The following NCAPD3 variants were observed in gnomAD, a reference collection of about 807,000 sequenced individuals.
NCAPD3 encodes non-SMC condensin II complex subunit D3, also known as condensin-2 complex subunit D3.
A neutral mutation model predicts 182.9 loss-of-function variants in NCAPD3; 105 were observed. That is an observed-to-expected ratio of 0.57 (90% CI 0.49 to 0.68). The LOEUF (loss-of-function observed/expected upper bound fraction) is 0.68, where lower values mean the gene tolerates loss of function less well. Ranked by LOEUF, NCAPD3 falls within the 30% of genes least tolerant of loss-of-function variation. The pLI, the probability that NCAPD3 is intolerant of heterozygous loss-of-function variation, is 0.00. For missense variants in NCAPD3, 1,944 were observed against 1,837.0 expected (o/e 1.06, Z -1.07); for synonymous variants, 815 against 679.9 (o/e 1.20, Z -3.09).
rs2120407534 is a variant in NCAPD3 at position 134,150,204 on chromosome 11, A to G, written c.*2740T>C. On this transcript the variant is annotated 3_prime_UTR_variant, in exon 35 of 35. Coordinates refer to ENST00000534548, the MANE Select transcript of NCAPD3 (RefSeq NM_015261.3). ...ACTCATACTGTCTACACATCAGACC[A>G]TAGTTGCTTAGGAAACCTTTAAAAA... The G allele has an allele frequency of 6.6e-6, 1 of 152,228 alleles. No homozygotes were observed. Among genetic ancestry groups the G allele is most frequent in the Middle Eastern group, 3.4e-3 (1 of 292 alleles). The allele number at this position is 152,228 out of a possible 1,614,324, so 9.4% of individuals were successfully genotyped here. A position where few individuals can be genotyped will look rare whatever the true frequency, so the allele number is the denominator to read the frequency against.
intron 24 of NCAPD3, among the ~76,000 whole-genome samples, chr11:134,170,089 C>T (rs1329107105): frequency 6.6e-6 from 1 of 152,242 alleles, no homozygotes; most frequent in East Asian, 1.9e-4. Flanking sequence ...GTTCACAGCA[C>T]ACATATCAAT....
At chr11:134,165,586 C>T (rs139966894) in intron 27 of NCAPD3, among the ~76,000 whole-genome samples, 331 of 146,600 alleles carry the variant, frequency 2.3e-3, no homozygotes, top group African/African-American at 7.1e-3. Flanking sequence ...GGGAGGGGCA[C>T]ACTAGTGAGA....
In NCAPD3 at chr11:134,168,059, T is replaced by G. The variant is rs779796316; in HGVS notation, c.3510A>C (p.Glu1170Asp). 6 of 1,614,160 alleles carry G rather than the reference T, an allele frequency of 3.7e-6. No individual in the cohort carries two copies. The South Asian group carries it at 5.5e-5, about 15-fold the overall frequency. ...CATTTGCCAAGGCCATGTCATCTTC[T>G]TCCATAAGGAGGTCTTTGTCTGGTT... The part of the protein sequence containing the change: ...RSKPDKDLLM[E>D]EDDMALANVV... The change falls in exon 27 of 35, where the codon GAA becomes GAC. Residue 1170 changes from glutamate (E) to aspartate (D), a missense_variant. Physicochemically the swap from Glu to Asp is conservative, Grantham distance 45 (BLOSUM62 2). This residue lies in a region of NCAPD3 where 1,803 missense variants were observed against 1,674.6 expected (regional missense o/e 1.08). Transcript: ENST00000534548.
rs901842220 is a variant in NCAPD3 at position 134,152,508 on chromosome 11, T to TATAA, written c.*432_*435dup. ...TACACTTTTTTAAAAAATTTGCACT[T>TATAA]ATAAATAATAGAAAAAATATTAGAA... On this transcript the variant is annotated 3_prime_UTR_variant, in exon 35 of 35. Transcript: ENST00000534548. 2.6e-5 allele frequency: 4 copies of TATAA among 153,508 alleles called. No individual in the cohort carries two copies. The highest frequency in any genetic ancestry group is 5.8e-5 in the Non-Finnish European group (4 of 69,022). 9.5% of individuals were successfully genotyped at this position (153,508 alleles called of 1,614,324 possible).
intron 13 of NCAPD3, among the ~76,000 whole-genome samples, chr11:134,200,569 C>CA (rs1944727124): frequency 6.6e-6 from 1 of 152,062 alleles, no homozygotes; most frequent in Non-Finnish European, 1.5e-5. Context: ...ATAAAAAAGA[C>CA]AGACATGGCA....
intron 27 of NCAPD3, among the ~76,000 whole-genome samples, chr11:134,167,529 C>T (rs1462753772): frequency 7.4e-6 from 1 of 134,470 alleles, no homozygotes; most frequent in East Asian, 2.3e-4. Context: ...GGGAGCTGCA[C>T]ACTCACTAGT....
chr11:134,189,685 A>G (rs1227860152), intron 16 of NCAPD3, among the ~76,000 whole-genome samples: 2 of 152,218 alleles, frequency 1.3e-5, no homozygotes, highest in Admixed American at 6.5e-5. Flanking sequence ...AATGGTTCAC[A>G]TAAGCTTAGA....
intron 13 of NCAPD3, among the ~76,000 whole-genome samples, chr11:134,199,057 C>CT (rs377057923): frequency 2.0e-5 from 3 of 151,236 alleles, no homozygotes; most frequent in East Asian, 2.0e-4. Flanking sequence ...TCCAAGATGG[C>CT]TTTTTTTTTC....
chr11:134,172,634 C>T (rs191753057), intron 24 of NCAPD3, among the ~76,000 whole-genome samples: 14 of 152,310 alleles, frequency 9.2e-5, no homozygotes, highest in Non-Finnish European at 1.8e-4. Flanking sequence ...CAATAATCTG[C>T]TTAGTACTTG....
chr11:134,208,177 G>A (rs906705158), intron 7 of NCAPD3, among the ~76,000 whole-genome samples: 1 of 152,192 alleles, frequency 6.6e-6, no homozygotes, highest in African/African-American at 2.4e-5. Flanking sequence ...CCAGGTTACT[G>A]CCTCTGCAAG....
At position 134,178,826 on chromosome 11, in the gene NCAPD3, G is replaced by T; in HGVS notation, c.2670C>A (p.Asp890Glu). 1 of 1,613,878 alleles carries T rather than the reference G, an allele frequency of 6.2e-7. No homozygotes were observed. Among genetic ancestry groups the T allele is most frequent in the East Asian group, 2.2e-5 (1 of 44,892 alleles). Residue 890 changes from aspartate (D) to glutamate (E), a missense_variant, in exon 21 of 35, where the codon GAC (aspartate) becomes GAA (glutamate). Transcript: ENST00000534548. ...GTATGATTTCAAATGCCTTACAGTG[G>T]TCAGCATCAGCAGACGAAGCCAGGA... ...QSVLASSADA[D>E]HSPSSQGSSE...
rs139833475 is a variant in NCAPD3 at position 134,195,863 on chromosome 11, G to A, written c.1616-1125C>T. ...AATCTGTTGCAATTTGATAAGTCAT[G>A]GGACCACTGGAAAACTCCAATATAC... On this transcript the variant is annotated intron_variant, in intron 13 of 34. Coordinates refer to ENST00000534548, the MANE Select transcript of NCAPD3 (RefSeq NM_015261.3). 1.7e-3 allele frequency among the ~76,000 whole-genome samples: 264 copies of A among 152,212 alleles called. 2 individuals carry two copies. Among genetic ancestry groups the A allele is most frequent in the East Asian group, 9.1e-3 (47 of 5,184 alleles).
At chr11:134,173,960 C>CAA (rs550941587) in intron 24 of NCAPD3, among the ~76,000 whole-genome samples, 1 of 132,758 alleles carries the variant, frequency 7.5e-6, no homozygotes, top group Non-Finnish European at 1.6e-5. Context: ...GACTCCATCT[C>CAA]AAAAAAAAAA....
chr11:134,165,052 T>G (rs1565523250), intron 27 of NCAPD3, among the ~76,000 whole-genome samples: 1 of 141,548 alleles, frequency 7.1e-6, no homozygotes, highest in Admixed American at 7.1e-5. Flanking sequence ...TGCACACACT[T>G]AGATTAGCTG....
rs992060036 is a variant in NCAPD3, at chr11:134,168,845, G to A, written c.3239+72C>T. 9 of 1,538,816 alleles carry A rather than the reference G, an allele frequency of 5.8e-6. 1 individual carries two copies. In the East Asian group the frequency reaches 1.4e-4, roughly 23 times the overall value. On this transcript the variant is annotated intron_variant, in intron 25 of 34. Transcript: ENST00000534548. The stretch of plus-strand genomic sequence containing the variant: ...TCTGCGTCCAATCACTACATGCAAA[G>A]AGCCTAACCTCCCCTGATTCCCCCA...
intron 4 of NCAPD3, 63 bp downstream of exon 4, chr11:134,210,207 C>A: frequency 7.0e-7 from 1 of 1,434,796 alleles, no homozygotes. Context: ...AGTATAAAGT[C>A]AATCCTTAAA....
chr11:134,203,990 C>A (rs1944801186), intron 10 of NCAPD3, 56 bp downstream of exon 10: 12 of 1,598,548 alleles, frequency 7.5e-6, no homozygotes, highest in Non-Finnish European at 1.0e-5. Context: ...GAAAAAGAGA[C>A]CCTTTTAAAA....
At chr11:134,176,220 C>G in intron 24 of NCAPD3, 87 bp downstream of exon 24, 2 of 1,277,998 alleles carry the variant, frequency 1.6e-6, no homozygotes, top group Non-Finnish European at 2.2e-6. Context: ...CTACTTAACT[C>G]TAAACCAATC....
chr11:134,162,012 CA>C, intron 27 of NCAPD3, 121 bp from the exon 28 acceptor site: 1 of 575,176 alleles, frequency 1.7e-6, no homozygotes, highest in Non-Finnish European at 3.0e-6. Flanking sequence ...TTTTGCTTTT[CA>C]TTATGATACT....
Sources: gnomAD v4.1 joint callset for allele counts (sites outside exome capture counted in the v4.1 genomes callset) on GRCh38, gnomAD v4.1.1 for gene constraint, gnomAD v4.1.1 regional missense constraint, MANE v1.5 for transcripts, NCBI Gene and HGNC (gene_info 2026-07-23, HGNC 2026-07-21) for gene names.